The following FARP2 variants were observed in gnomAD, a reference collection of about 807,000 sequenced individuals.
FARP2 encodes the protein FERM, ARHGEF and pleckstrin domain-containing protein 2.
A neutral mutation model predicts 130.5 loss-of-function variants in FARP2; 111 were observed. The ratio of observed to expected loss-of-function variants is 0.85; its 90% CI spans 0.73 to 1.00. The LOEUF (loss-of-function observed/expected upper bound fraction) is 1.00, where lower values mean the gene tolerates loss of function less well. Among genes scored for constraint, FARP2 ranks in the 50% least tolerant of loss-of-function variants. FARP2 has a pLI of 0.00. For missense variants in FARP2, 1,385 were observed against 1,346.3 expected (o/e 1.03, Z -0.45); for synonymous variants, 504 against 516.9 (o/e 0.98, Z 0.34).
chr2:241,380,078 C>T (rs750956134), intron 2 of FARP2, among the ~76,000 whole-genome samples: 6 of 152,064 alleles, frequency 3.9e-5, no homozygotes, highest in East Asian at 3.8e-4. Context: ...ACAGCAAGGG[C>T]GACTGATGAA....
chr2:241,385,449 C>T (rs2061761558), intron 2 of FARP2, among the ~76,000 whole-genome samples: 1 of 152,086 alleles, frequency 6.6e-6, no homozygotes, highest in Non-Finnish European at 1.5e-5. Flanking sequence ...AGGATGGGCA[C>T]AGTGGCTCAT....
Position 241,407,735 on chromosome 2 carries a change from A to C in FARP2, c.410+120A>C, listed in dbSNP as rs1285992053. 4.3e-5 allele frequency: 32 copies of C among 742,724 alleles called. No homozygotes were observed. The East Asian group carries it at 7.9e-4, about 18-fold the overall frequency. The allele number at this position is 742,724 out of a possible 1,614,324, so 46.0% of individuals were successfully genotyped here. Reference sequence around the variant, plus strand: ...GCCTGATATACACAGAAAAGTGACCATGAGTGTAGAGTGGTTAACAGAAGC... The same window carrying C: ...GCCTGATATACACAGAAAAGTGACCCTGAGTGTAGAGTGGTTAACAGAAGC... On this transcript the variant is annotated intron_variant, in intron 5 of 26. Coordinates refer to ENST00000264042, the MANE Select transcript of FARP2 (RefSeq NM_014808.4).
chr2:241,493,458 AG>A lies in FARP2; in HGVS notation c.3047+16del. The A allele has an allele frequency of 6.2e-7, 1 of 1,613,150 alleles. No homozygotes were observed. Among genetic ancestry groups the A allele is most frequent in the Non-Finnish European group, 8.5e-7 (1 of 1,179,526 alleles). ...CACATTTGAAAGGTAATTTTGCAGGAGGCAGCCCTGGTCAGCTGCCCATTTC... is the reference window on the plus strand; with the variant it reads ...CACATTTGAAAGGTAATTTTGCAGGAGCAGCCCTGGTCAGCTGCCCATTTC... On this transcript the variant is annotated intron_variant, in intron 26 of 26. Transcript: ENST00000264042.
chr2:241,481,423 A>C (rs1303741509), intron 19 of FARP2, among the ~76,000 whole-genome samples: 1 of 152,230 alleles, frequency 6.6e-6, no homozygotes, highest in East Asian at 1.9e-4. Flanking sequence ...TGTTCATTGA[A>C]GCATGTGTAT....
chr2:241,406,915 G>C (rs989512574), intron 4 of FARP2, among the ~76,000 whole-genome samples: 51 of 151,992 alleles, frequency 3.4e-4, no homozygotes, highest in Non-Finnish European at 6.0e-4. Flanking sequence ...TCACGCCATT[G>C]TCCTGCCTCA....
intron 19 of FARP2, among the ~76,000 whole-genome samples, chr2:241,476,214 TAAAAAAA>T (rs57746386): frequency 9.2e-6 from 1 of 108,166 alleles, no homozygotes; most frequent in South Asian, 3.0e-4. Flanking sequence ...TTCTATGAAT[TAAAAAAA>T]AAAAAAAAAA....
At chr2:241,399,035 T>G (rs776069961) in intron 2 of FARP2, among the ~76,000 whole-genome samples, 1 of 152,250 alleles carries the variant, frequency 6.6e-6, no homozygotes, top group Non-Finnish European at 1.5e-5. Context: ...AGACTCCAGA[T>G]GTTCTACTTT....
chr2:241,463,933 C>A lies in FARP2; in HGVS notation c.1846C>A (p.His616Asn). ...GPSKAHTKGSHQRIGDILLRN... is the reference protein window; with the variant it reads ...GPSKAHTKGSNQRIGDILLRN... ...CTCCAAAGCCCACACAAAAGGCAGT[C>A]ATCAACGAATCGGGGACATCCTGCT... Residue 616 changes from histidine (H) to asparagine (N), a missense_variant, in exon 17 of 27, where the codon CAT (histidine) becomes AAT (asparagine). Physicochemically the swap from His to Asn is moderately conservative, Grantham distance 68. Transcript: ENST00000264042. 1 of 1,614,072 alleles carries A rather than the reference C, an allele frequency of 6.2e-7. No individual in the cohort carries two copies. The highest frequency in any genetic ancestry group is 1.1e-5 in the South Asian group (1 of 91,026).
intron 8 of FARP2, among the ~76,000 whole-genome samples, chr2:241,429,742 C>T (rs977485351): frequency 2.6e-5 from 4 of 152,066 alleles, no homozygotes; most frequent in African/African-American, 9.7e-5. Context: ...CTGGCCTTTA[C>T]CTGAGATGCC....
At chr2:241,468,463 T>G in intron 18 of FARP2, 86 bp downstream of exon 18, 1 of 989,922 alleles carries the variant, frequency 1.0e-6, no homozygotes, top group Non-Finnish European at 1.6e-6. Flanking sequence ...GAAGACTTCC[T>G]TCACTGGGAA....
intron 2 of FARP2, among the ~76,000 whole-genome samples, chr2:241,394,189 G>C (rs2061975150): frequency 6.6e-6 from 1 of 152,182 alleles, no homozygotes; most frequent in African/African-American, 2.4e-5. Flanking sequence ...AGGACCAGAA[G>C]GTATGTTTTA....
chr2:241,490,782 A>G (rs2064870632), intron 22 of FARP2, among the ~76,000 whole-genome samples: 1 of 152,216 alleles, frequency 6.6e-6, no homozygotes, highest in Admixed American at 6.5e-5. Context: ...ACATCATTTC[A>G]GGAACAAATA....
chr2:241,467,775 G>A (rs1334920754), intron 17 of FARP2, among the ~76,000 whole-genome samples: 1 of 152,182 alleles, frequency 6.6e-6, no homozygotes, highest in African/African-American at 2.4e-5. Flanking sequence ...GGTGGGCTTT[G>A]TTTAACCCCT....
chr2:241,492,854 C>A lies in FARP2; in HGVS notation c.2788-75C>A, dbSNP rs547025119. On this transcript the variant is annotated intron_variant, in intron 24 of 26. Coordinates refer to ENST00000264042, the MANE Select transcript of FARP2 (RefSeq NM_014808.4). ...TGGAGAAAGCATGCAGAGGCTTAGT[C>A]TTGGGGAGCAAACCCACTCCCACAA... is the stretch of plus-strand genomic sequence containing the variant. 4.8e-6 allele frequency: 4 copies of A among 835,412 alleles called. No homozygotes were observed. In the East Asian group the frequency reaches 9.7e-5, roughly 20 times the overall value. The allele number at this position is 835,412 out of a possible 1,614,324, so 51.7% of individuals were successfully genotyped here. A position where few individuals can be genotyped will look rare whatever the true frequency, so the allele number is the denominator to read the frequency against.
chr2:241,481,284 C>T (rs2064609431), intron 19 of FARP2, among the ~76,000 whole-genome samples: 1 of 152,102 alleles, frequency 6.6e-6, no homozygotes, highest in Admixed American at 6.5e-5. Flanking sequence ...TGATTCTATC[C>T]CATGGTCTAT....
At chr2:241,386,499 G>A (rs1487439774) in intron 2 of FARP2, among the ~76,000 whole-genome samples, 1 of 152,218 alleles carries the variant, frequency 6.6e-6, no homozygotes, top group South Asian at 2.1e-4. Context: ...CCTTAAGACA[G>A]TATATTTAAG....
intron 19 of FARP2, among the ~76,000 whole-genome samples, chr2:241,480,971 C>T (rs946237933): frequency 6.7e-6 from 1 of 149,452 alleles, no homozygotes; most frequent in Admixed American, 6.8e-5. Flanking sequence ...ATAGTCCCAG[C>T]ACTTTGGGAG....
intron 17 of FARP2, 69 bp downstream of exon 17, chr2:241,464,049 G>GAGGCCC: frequency 7.5e-7 from 1 of 1,328,772 alleles, no homozygotes; most frequent in Non-Finnish European, 1.1e-6. Flanking sequence ...TCCCGAAGCT[G>GAGGCCC]AGGCCCGTCA....
In FARP2 at chr2:241,494,051, GCCCCAAGCATCGTGCAGGATGGC is replaced by G; in HGVS notation, c.3098_3120del (p.Ser1033ThrfsTer142). On this transcript the variant is annotated frameshift_variant, in exon 27 of 27. Transcript: ENST00000264042. LOFTEE classifies it low-confidence loss of function (END_TRUNC). The surrounding 1 kb of genome is among the most constrained non-coding windows in gnomAD (Gnocchi z 4.9). Reference sequence around the variant, plus strand: ...GGGGGCCAGCAGCTCAGCCGGGAGGGCCCCAAGCATCGTGCAGGATGGCCCCCAACCCTCCTCAGGGCTGGAGG... The same window carrying G: ...GGGGGCCAGCAGCTCAGCCGGGAGGGCCCCAACCCTCCTCAGGGCTGGAGG... 1 of 1,423,730 alleles carries G rather than the reference GCCCCAAGCATCGTGCAGGATGGC, an allele frequency of 7.0e-7. No homozygotes were observed. The highest frequency in any genetic ancestry group is 9.2e-7 in the Non-Finnish European group (1 of 1,088,500). The allele number at this position is 1,423,730 out of a possible 1,614,324, so 88.2% of individuals were successfully genotyped here. A position where few individuals can be genotyped will look rare whatever the true frequency, so the allele number is the denominator to read the frequency against.
Sources: allele counts gnomAD v4.1 joint callset (sites outside exome capture counted in the v4.1 genomes callset), GRCh38; gene constraint gnomAD v4.1.1; non-coding constraint Gnocchi (gnomAD v3.1); transcripts MANE v1.5; gene names NCBI Gene and HGNC (gene_info 2026-07-23, HGNC 2026-07-21).